Variants in NAALADL2 observed in about 807,000 individuals in gnomAD.
The protein encoded by NAALADL2 is inactive N-acetylated-alpha-linked acidic dipeptidase-like protein 2.
A neutral mutation model predicts 87.2 loss-of-function variants in NAALADL2; 76 were observed. The ratio of observed to expected loss-of-function variants is 0.87; its 90% CI spans 0.72 to 1.05. The LOEUF (loss-of-function observed/expected upper bound fraction) is 1.05, where lower values mean the gene tolerates loss of function less well. NAALADL2 is among the 50% of genes least tolerant of loss of function. NAALADL2 has a pLI of 0.00. For missense variants in NAALADL2, 1,089 were observed against 945.8 expected, an observed-to-expected ratio of 1.15 and a Z score of -1.99; for synonymous variants, 354 against 331.0, an observed-to-expected ratio of 1.07 and a Z score of -0.75.
At chr3:175,585,281 C>G (rs1418360201) in intron 10 of NAALADL2, among the ~76,000 whole-genome samples, 1 of 152,114 alleles carries the variant, frequency 6.6e-6, no homozygotes, top group Non-Finnish European at 1.5e-5. Flanking sequence ...TCATTGTACT[C>G]TTATGGGAGT....
chr3:175,561,716 T>G (rs1218230363), intron 9 of NAALADL2, among the ~76,000 whole-genome samples: 1 of 152,200 alleles, frequency 6.6e-6, no homozygotes. Context: ...CCTACACTTA[T>G]GACTTAATTT....
intron 1 of NAALADL2, among the ~76,000 whole-genome samples, chr3:174,983,314 T>C (rs1745379899): frequency 6.6e-6 from 1 of 152,124 alleles, no homozygotes; most frequent in Non-Finnish European, 1.5e-5. Context: ...CTCTTGGCTA[T>C]AGGGGTGGTC....
intron 10 of NAALADL2, among the ~76,000 whole-genome samples, chr3:175,576,556 A>G (rs1239038417): frequency 6.6e-6 from 1 of 151,942 alleles, no homozygotes; most frequent in Admixed American, 6.5e-5. Context: ...AATGCACTTC[A>G]TGGTCTGTAT....
chr3:175,320,547 C>T (rs939084393), intron 4 of NAALADL2, among the ~76,000 whole-genome samples: 1 of 152,138 alleles, frequency 6.6e-6, no homozygotes, highest in African/African-American at 2.4e-5. Flanking sequence ...AGGTTCAGGA[C>T]AGTGGCTATT....
At chr3:175,628,733 T>G (rs1727351231) in intron 11 of NAALADL2, among the ~76,000 whole-genome samples, 1 of 149,852 alleles carries the variant, frequency 6.7e-6, no homozygotes, top group Non-Finnish European at 1.5e-5. Context: ...AAACTTTATG[T>G]AGTTGTTTTT....
At chr3:174,550,569 G>T (rs1305681351) in exon 2 of NAALADL2, 1 of 151,748 alleles carries the variant, frequency 6.6e-6, no homozygotes, top group African/African-American at 2.4e-5. Context: ...TGTTTTTTAG[G>T]AGGCTGAGGG....
At chr3:175,183,791 A>G (rs191646105) in intron 2 of NAALADL2, among the ~76,000 whole-genome samples, 180 of 151,982 alleles carry the variant, frequency 1.2e-3, no homozygotes, top group Non-Finnish European at 1.1e-3. Context: ...TGATTTTTGT[A>G]TTTTCCAAGC....
chr3:175,090,587 G>A (rs573771766), intron 1 of NAALADL2, among the ~76,000 whole-genome samples: 2 of 148,884 alleles, frequency 1.3e-5, no homozygotes, highest in South Asian at 4.2e-4. Flanking sequence ...TTTTCAAATG[G>A]CTTTGACTAC....
At chr3:175,736,721 T>C (rs1280571801) in intron 11 of NAALADL2, among the ~76,000 whole-genome samples, 3 of 152,198 alleles carry the variant, frequency 2.0e-5, no homozygotes, top group Non-Finnish European at 4.4e-5. Flanking sequence ...CTTTTCAATG[T>C]CATTAGGTTA....
chr3:175,417,532 AC>A (rs1235827598), intron 5 of NAALADL2, among the ~76,000 whole-genome samples: 16 of 150,224 alleles, frequency 1.1e-4, no homozygotes, highest in Admixed American at 2.0e-4. Flanking sequence ...TTAAAAAAAA[AC>A]AATTCAGTAA....
chr3:175,282,870 T>A (rs1463422680), intron 4 of NAALADL2, among the ~76,000 whole-genome samples: 2 of 151,856 alleles, frequency 1.3e-5, no homozygotes, highest in Admixed American at 6.6e-5. Context: ...GAATGAAGTA[T>A]ACAGATACTA....
At chr3:175,086,226 A>AT (rs376160676) in intron 1 of NAALADL2, among the ~76,000 whole-genome samples, 47 of 152,344 alleles carry the variant, frequency 3.1e-4, no homozygotes, top group African/African-American at 1.0e-3. Context: ...AGTTTACAAT[A>AT]TATCATTCTC....
At chr3:174,821,923 AAT>A (rs1323035746) in intron 3 of NAALADL2, among the ~76,000 whole-genome samples, 1 of 152,188 alleles carries the variant, frequency 6.6e-6, no homozygotes, top group Non-Finnish European at 1.5e-5. Context: ...GGTAAGGAAA[AAT>A]AGGTATTTTT....
chr3:175,086,003 A>G (rs1176867430), intron 1 of NAALADL2, among the ~76,000 whole-genome samples: 1 of 152,198 alleles, frequency 6.6e-6, no homozygotes, highest in Non-Finnish European at 1.5e-5. Context: ...CAGTTGCAAT[A>G]GTTGAAGGGA....
At chr3:174,604,913 C>T (rs544866595) in intron 2 of NAALADL2, among the ~76,000 whole-genome samples, 15 of 151,848 alleles carry the variant, frequency 9.9e-5, no homozygotes, top group Non-Finnish European at 2.1e-4. Flanking sequence ...GGATTACAGG[C>T]ACGCACCACC....
chr3:175,768,769 T>C (rs111611914), intron 13 of NAALADL2, among the ~76,000 whole-genome samples: 2,848 of 151,682 alleles, frequency 0.019, 94 homozygotes, highest in African/African-American at 0.066. Context: ...GGAGAATCAG[T>C]TGAACCTGGG....
chr3:174,696,593 T>TAAAAAAAA (rs62946360), intron 2 of NAALADL2, among the ~76,000 whole-genome samples: 7 of 110,512 alleles, frequency 6.3e-5, no homozygotes, highest in East Asian at 2.2e-4. Flanking sequence ...TGTAGTTATC[T>TAAAAAAAA]AAAAAAAAAA....
intron 9 of NAALADL2, among the ~76,000 whole-genome samples, chr3:175,485,858 C>A (rs899195035): frequency 6.6e-6 from 1 of 152,082 alleles, no homozygotes; most frequent in African/African-American, 2.4e-5. Context: ...TAATATTAAC[C>A]GTCACAGAGC....
chr3:175,068,729 A>G (rs983708496), intron 1 of NAALADL2, among the ~76,000 whole-genome samples: 1 of 152,122 alleles, frequency 6.6e-6, no homozygotes, highest in African/African-American at 2.4e-5. Context: ...TGGAGATAAG[A>G]TTTATAATTT....
Sources: allele counts gnomAD v4.1 joint callset (sites outside exome capture counted in the v4.1 genomes callset), GRCh38; gene constraint gnomAD v4.1.1; transcripts MANE v1.5; gene names NCBI Gene and HGNC (gene_info 2026-07-23, HGNC 2026-07-21).